CLIC5: variants seen among roughly 807,000 people sequenced by gnomAD.
CLIC5 encodes the protein chloride intracellular channel protein 5.
A neutral mutation model predicts 24.7 loss-of-function variants in CLIC5; 20 were observed. The observed-to-expected ratio is 0.81, with a 90% CI of 0.57 to 1.18. CLIC5 has a LOEUF of 1.18. CLIC5 is among the 50% of genes most tolerant of loss of function. The probability of loss-of-function intolerance (pLI) is 0.00; values close to 1 mark genes in which losing one functional copy is unlikely to be tolerated. For synonymous variants in CLIC5, 159 were observed against 135.6 expected, an observed-to-expected ratio of 1.17 and a Z score of -1.20; for missense variants, 341 against 326.1, an observed-to-expected ratio of 1.05 and a Z score of -0.35.
chr6:46,048,753 T>C (rs547779374), intron 1 of CLIC5, among the ~76,000 whole-genome samples: 15 of 152,210 alleles, frequency 9.9e-5, no homozygotes, highest in African/African-American at 3.1e-4. Context: ...CAGTGAGAAG[T>C]TGGCAATGCC....
At chr6:46,016,803 T>C (rs143288689), upstream of CLIC5, among the ~76,000 whole-genome samples, 107 of 152,336 alleles carry the variant, frequency 7.0e-4, 1 homozygote, top group East Asian at 0.018. Flanking sequence ...TTCTGGCTTG[T>C]AGCAGCATAG....
At chr6:45,982,503 C>T (rs1765600174) in intron 1 of CLIC5, among the ~76,000 whole-genome samples, 1 of 152,128 alleles carries the variant, frequency 6.6e-6, no homozygotes, top group East Asian at 1.9e-4. Flanking sequence ...CTACTACACA[C>T]CTAGGTTATA....
upstream of CLIC5, among the ~76,000 whole-genome samples, chr6:46,085,286 T>C (rs1763008335): frequency 6.6e-6 from 1 of 152,240 alleles, no homozygotes; most frequent in African/African-American, 2.4e-5. Context: ...TCAAAGTCAT[T>C]CTCCGTCCAG....
At chr6:46,032,263 C>T (rs1048334920) in intron 1 of CLIC5, among the ~76,000 whole-genome samples, 9 of 152,146 alleles carry the variant, frequency 5.9e-5, no homozygotes, top group Admixed American at 5.2e-4. Context: ...CTGATGAGAA[C>T]TCACTCACTA....
intron 4 of CLIC5, chr6:45,937,602 G>A (rs974021726): frequency 5.9e-5 from 9 of 152,212 alleles, no homozygotes; most frequent in South Asian, 2.1e-4. Context: ...ACTTTGTCTC[G>A]TTGCCTTGGC....
chr6:46,122,600 T>TG, the CLIC5 span, among the ~76,000 whole-genome samples: 6 of 150,764 alleles, frequency 4.0e-5, no homozygotes, highest in Admixed American at 1.3e-4. Context: ...CTGAAGGAGA[T>TG]AGAGACACAA....
intron 1 of CLIC5, among the ~76,000 whole-genome samples, chr6:46,050,802 C>T (rs2077267187): frequency 6.6e-6 from 1 of 151,672 alleles, no homozygotes; most frequent in Admixed American, 6.6e-5. Context: ...GGTCAAGAAA[C>T]TACCCTTGAG....
rs1177820699 is a variant in CLIC5 at position 45,902,352 on chromosome 6, A to G, written c.*736T>C. On this transcript the variant is annotated 3_prime_UTR_variant, in exon 6 of 6. Transcript: ENST00000339561. ...ATCAACACTGCTCCCCTCCCCTCCCATCCCAGTCACTGCAGTTTAGAATTG... is the reference window on the plus strand; with the variant it reads ...ATCAACACTGCTCCCCTCCCCTCCCGTCCCAGTCACTGCAGTTTAGAATTG... The G allele has an allele frequency of 6.5e-6, 1 of 152,698 alleles. No individual in the cohort carries two copies. Among genetic ancestry groups the G allele is most frequent in the African/African-American group, 2.4e-5 (1 of 41,370 alleles). The allele number at this position is 152,698 out of a possible 1,614,324, so 9.5% of individuals were successfully genotyped here.
At chr6:46,092,000 C>T in the CLIC5 span, among the ~76,000 whole-genome samples, 1 of 152,152 alleles carries the variant, frequency 6.6e-6, no homozygotes, top group Non-Finnish European at 1.5e-5. Context: ...CCCTTTTCTC[C>T]TCATCCTCAC....
chr6:46,102,383 T>C, the CLIC5 span, among the ~76,000 whole-genome samples: 2 of 152,178 alleles, frequency 1.3e-5, no homozygotes, highest in African/African-American at 2.4e-5. Flanking sequence ...GGGCCCTCTA[T>C]GGAATGGAGG....
intron 4 of CLIC5, among the ~76,000 whole-genome samples, chr6:45,938,258 G>A (rs565638194): frequency 6.6e-6 from 1 of 152,348 alleles, no homozygotes; most frequent in South Asian, 2.1e-4. Context: ...CCGGGTCAGG[G>A]GCTGTGGGGC....
chr6:45,886,181 G>A (rs1294659473), intron 6 of CLIC5, among the ~76,000 whole-genome samples: 1 of 152,052 alleles, frequency 6.6e-6, no homozygotes, highest in Non-Finnish European at 1.5e-5. Flanking sequence ...TGGTCCCAGG[G>A]CAGGTGGTAG....
intron 1 of CLIC5, among the ~76,000 whole-genome samples, chr6:46,009,472 C>T (rs1766722571): frequency 6.6e-6 from 1 of 152,056 alleles, no homozygotes; most frequent in South Asian, 2.1e-4. Flanking sequence ...TAGAGAGAGT[C>T]CTTTACAGAA....
At chr6:46,107,733 A>G in the CLIC5 span, among the ~76,000 whole-genome samples, 1 of 152,168 alleles carries the variant, frequency 6.6e-6, no homozygotes, top group African/African-American at 2.4e-5. Context: ...AATAAAAATA[A>G]TAATAGATAA....
intron 1 of CLIC5, among the ~76,000 whole-genome samples, chr6:46,076,053 G>A (rs572195456): frequency 1.3e-5 from 2 of 152,270 alleles, no homozygotes; most frequent in East Asian, 3.9e-4. Flanking sequence ...CCCTGTTACT[G>A]TGTCTACCCG....
chr6:46,099,536 G>A, the CLIC5 span, among the ~76,000 whole-genome samples: 70,727 of 151,994 alleles, frequency 0.47, 17,191 homozygotes, highest in South Asian at 0.69. Context: ...CATGCACAAA[G>A]CTGTCATTTG....
Position 46,074,631 on chromosome 6 carries a change from T to C in CLIC5, c.540+5072A>G, listed in dbSNP as rs145716471. The stretch of plus-strand genomic sequence containing the variant: ...ATAGGCTCTGAAGCTGCAGATACTT[T>C]CCAAGGGACAGGCTTCACGTGAGCT... On this transcript the variant is annotated intron_variant, in intron 1 of 5. Coordinates refer to the CLIC5 transcript ENST00000185206. Among the ~76,000 whole-genome samples the C allele has an allele frequency of 3.9e-5, 6 of 152,332 alleles. No homozygotes were observed. In the East Asian group the frequency reaches 1.2e-3, roughly 29 times the overall value.
chr6:45,961,943 C>T (rs914328964), intron 1 of CLIC5, among the ~76,000 whole-genome samples: 1 of 151,944 alleles, frequency 6.6e-6, no homozygotes, highest in Non-Finnish European at 1.5e-5. Flanking sequence ...AGACCACTAC[C>T]TGTGCAATGT....
intron 1 of CLIC5, among the ~76,000 whole-genome samples, chr6:46,023,610 A>C (rs1767246903): frequency 6.6e-6 from 1 of 152,196 alleles, no homozygotes; most frequent in Non-Finnish European, 1.5e-5. Flanking sequence ...ATGAAAAAGG[A>C]AACATAGGGT....
Sources: allele counts gnomAD v4.1 joint callset (sites outside exome capture counted in the v4.1 genomes callset), GRCh38; gene constraint gnomAD v4.1.1; transcripts MANE v1.5; gene names NCBI Gene and HGNC (gene_info 2026-07-23, HGNC 2026-07-21).